PTPRN2: variants seen among roughly 807,000 people sequenced by gnomAD.
PTPRN2 encodes protein tyrosine phosphatase receptor type N2, also known as receptor-type tyrosine-protein phosphatase N2.
PTPRN2 carries 74 observed loss-of-function variants against 118.8 expected under a neutral mutation model. The observed-to-expected ratio is 0.62, with a 90% confidence interval of 0.52 to 0.76. PTPRN2 has a LOEUF of 0.76. Ranked by LOEUF, PTPRN2 falls within the 30% of genes least tolerant of loss-of-function variation. The pLI is 0.00. For synonymous variants in PTPRN2, 641 were observed against 608.0 expected (o/e 1.05, Z -0.80); for missense variants, 1,481 against 1,394.4 (o/e 1.06, Z -0.99).
chr7:157,998,824 A>G (rs998825750), intron 11 of PTPRN2, among the ~76,000 whole-genome samples: 1 of 151,826 alleles, frequency 6.6e-6, no homozygotes, highest in Non-Finnish European at 1.5e-5. Flanking sequence ...TCTCAAAAAA[A>G]AAAAAAAAAA....
At chr7:158,007,840 GGTGT>G (rs1179559876) in intron 11 of PTPRN2, among the ~76,000 whole-genome samples, 17 of 148,286 alleles carry the variant, frequency 1.1e-4, no homozygotes, top group East Asian at 4.0e-4. Flanking sequence ...GGGGTGTGTG[GGTGT>G]GTGTGTGCTG....
intron 2 of PTPRN2, among the ~76,000 whole-genome samples, chr7:158,331,113 C>T (rs1356944954): frequency 1.4e-5 from 2 of 142,910 alleles, no homozygotes; most frequent in African/African-American, 2.7e-5. Context: ...TCACTCACAC[C>T]CACACTCTCA....
intron 11 of PTPRN2, among the ~76,000 whole-genome samples, chr7:157,931,158 C>T (rs962563874): frequency 2.0e-5 from 3 of 152,156 alleles, no homozygotes; most frequent in Admixed American, 6.5e-5. Context: ...CACCCACGCA[C>T]GGATAGGGTG....
At chr7:158,249,373 G>A (rs111204888) in intron 3 of PTPRN2, among the ~76,000 whole-genome samples, 23 of 134,056 alleles carry the variant, frequency 1.7e-4, no homozygotes, top group East Asian at 6.7e-4. Context: ...ATACATACAT[G>A]CATACATACA....
At chr7:158,489,067 A>G (rs923551997) in intron 2 of PTPRN2, among the ~76,000 whole-genome samples, 4 of 152,252 alleles carry the variant, frequency 2.6e-5, no homozygotes, top group African/African-American at 9.6e-5. Flanking sequence ...TGCCGTCCTC[A>G]TGGGCTTTCA....
rs1444856913 is a variant in PTPRN2 at position 157,994,668 on chromosome 7, TA to T, written c.1723+86629del. 2.9e-3 allele frequency among the ~76,000 whole-genome samples: 382 copies of T among 133,890 alleles called. 1 individual carries two copies. Among genetic ancestry groups the T allele is most frequent in the Middle Eastern group, 0.018 (4 of 222 alleles). 87.8% of individuals were successfully genotyped at this position (133,890 alleles called of 152,430 possible). On this transcript the variant is annotated intron_variant, in intron 11 of 22. Coordinates refer to ENST00000389418, the MANE Select transcript of PTPRN2 (RefSeq NM_002847.5). ...TCCCCAGCTTACAGCTCCTTGTTCCTAAAATCAACGCCGCGTCCCCAGCTTA... is the reference window on the plus strand; with the variant it reads ...TCCCCAGCTTACAGCTCCTTGTTCCTAAATCAACGCCGCGTCCCCAGCTTA...
chr7:157,857,361 C>A (rs1809788135), intron 12 of PTPRN2: 1 of 152,258 alleles, frequency 6.6e-6, no homozygotes, highest in African/African-American at 2.4e-5. Context: ...CGTTCACCCA[C>A]ACAAGGGCCA....
At chr7:157,656,142 A>G (rs890842210) in intron 14 of PTPRN2, among the ~76,000 whole-genome samples, 2 of 112,816 alleles carry the variant, frequency 1.8e-5, no homozygotes, top group Non-Finnish European at 4.1e-5. Flanking sequence ...AGGCAGAAGC[A>G]CGGCAAAGAT....
At chr7:157,876,887 C>T (rs1306739751) in intron 12 of PTPRN2, among the ~76,000 whole-genome samples, 1 of 152,220 alleles carries the variant, frequency 6.6e-6, no homozygotes, top group Non-Finnish European at 1.5e-5. Context: ...TAGGGACACG[C>T]AGCTCGCCGG....
Position 158,562,350 on chromosome 7 carries a change from C to T in PTPRN2, c.112+25208G>A, listed in dbSNP as rs1263828078. Among the ~76,000 whole-genome samples, 52 of 152,110 alleles carry T rather than the reference C, an allele frequency of 3.4e-4. 1 individual carries two copies. Among genetic ancestry groups the T allele is most frequent in the Admixed American group, 3.4e-3 (52 of 15,284 alleles). On this transcript the variant is annotated intron_variant, in intron 1 of 22. Coordinates refer to ENST00000389418, the MANE Select transcript of PTPRN2 (RefSeq NM_002847.5). ...AGCATCCACCTTTGAGACCTTGTCA[C>T]CTCCCAAAGCCCCCATCTCCTAACA...
chr7:157,967,100 G>A (rs957127885), intron 11 of PTPRN2, among the ~76,000 whole-genome samples: 1 of 152,204 alleles, frequency 6.6e-6, no homozygotes, highest in Non-Finnish European at 1.5e-5. Flanking sequence ...CAGGAGGATT[G>A]CTTGAGACCA....
rs944227183 is a variant in PTPRN2 at position 157,629,052 on chromosome 7, G to A, written c.2197-7543C>T. Among the ~76,000 whole-genome samples, 1 of 152,128 alleles carries A rather than the reference G, an allele frequency of 6.6e-6. No individual in the cohort carries two copies. The highest frequency in any genetic ancestry group is 1.5e-5 in the Non-Finnish European group (1 of 68,026). On this transcript the variant is annotated intron_variant, in intron 14 of 22. Transcript: ENST00000389418. The surrounding 1 kb of genome is among the most constrained non-coding windows in gnomAD (Gnocchi z 4.4). The stretch of plus-strand genomic sequence containing the variant: ...CCCGTGTGCATCTGATGCAGGACCC[G>A]CTCACACGAAACATGCTCGCCTTCC...
rs1277388033 is a variant in PTPRN2, at chr7:158,570,600, G to A, written c.112+16958C>T. ...TGCCCCCCGAGTGGCCTGCTAGCCC[G>A]CTCTCCCACACAGTCTCCTTGATGT... On this transcript the variant is annotated intron_variant, in intron 1 of 22. Transcript: ENST00000389418. This position sits in a 1 kb window ranked among gnomAD's most constrained non-coding sequence, Gnocchi z 4.5. Among the ~76,000 whole-genome samples the A allele has an allele frequency of 1.3e-5, 2 of 152,142 alleles. No individual in the cohort carries two copies. Among genetic ancestry groups the A allele is most frequent in the East Asian group, 1.9e-4 (1 of 5,180 alleles).
At chr7:158,279,745 C>T (rs1010042900) in intron 3 of PTPRN2, among the ~76,000 whole-genome samples, 1 of 152,176 alleles carries the variant, frequency 6.6e-6, no homozygotes, top group East Asian at 1.9e-4. Flanking sequence ...CAGAGGGAGC[C>T]GGCTCCGGCC....
chr7:157,642,521 C>T (rs893913853), intron 14 of PTPRN2, among the ~76,000 whole-genome samples: 1 of 152,106 alleles, frequency 6.6e-6, no homozygotes, highest in South Asian at 2.1e-4. Flanking sequence ...CTCCTCGCCT[C>T]GGGTTTCTCC....
rs1447794255 is a variant in PTPRN2, at chr7:157,568,312, C to G, written c.2902+590G>C. On this transcript the variant is annotated intron_variant, in intron 21 of 22. Transcript: ENST00000389418. The stretch of plus-strand genomic sequence containing the variant: ...ACCACAGGCCTCAAGTCTAAGACTC[C>G]CCACACCGTCTCTGAGAGGAACGCC... 4.6e-5 allele frequency among the ~76,000 whole-genome samples: 7 copies of G among 152,174 alleles called. No individual in the cohort carries two copies. In the East Asian group the frequency reaches 1.2e-3, roughly 25 times the overall value.
chr7:157,858,078 CCCCGTCACCACCCACACTCCTGCA>C (rs1809875415), intron 12 of PTPRN2, among the ~76,000 whole-genome samples: 2 of 133,970 alleles, frequency 1.5e-5, no homozygotes, highest in East Asian at 2.2e-4. Context: ...GCAGGGAGAA[CCCCGTCACCACCCACACTCCTGCA>C]GGGAGAGCCT....
chr7:157,945,422 C>T (rs1041953236), intron 11 of PTPRN2, among the ~76,000 whole-genome samples: 4 of 152,136 alleles, frequency 2.6e-5, no homozygotes, highest in East Asian at 1.9e-4. Context: ...TCCATCCTGG[C>T]GTCTGACAAA....
intron 21 of PTPRN2, among the ~76,000 whole-genome samples, chr7:157,554,682 G>A (rs568116841): frequency 6.6e-6 from 1 of 152,298 alleles, no homozygotes; most frequent in Admixed American, 6.5e-5. Context: ...CGCTGACATC[G>A]AAAAGCCTGC....
Sources: gnomAD v4.1 joint callset for allele counts (sites outside exome capture counted in the v4.1 genomes callset) on GRCh38, gnomAD v4.1.1 for gene constraint, Gnocchi (gnomAD v3.1) non-coding constraint, MANE v1.5 for transcripts, NCBI Gene and HGNC (gene_info 2026-07-23, HGNC 2026-07-21) for gene names.